AFAP1L2: variants seen among roughly 807,000 people sequenced by gnomAD.
AFAP1L2 encodes the protein actin filament associated protein 1 like 2, also known as actin filament-associated protein 1-like 2.
Under a neutral mutation model 99.3 loss-of-function variants are expected in AFAP1L2, and 46 were observed. The observed-to-expected ratio is 0.46, with a 90% confidence interval of 0.37 to 0.59. The LOEUF is 0.59. Ranked by LOEUF, AFAP1L2 falls within the 20% of genes least tolerant of loss-of-function variation. The probability of loss-of-function intolerance (pLI) is 0.00; values close to 1 mark genes in which losing one functional copy is unlikely to be tolerated. For missense variants in AFAP1L2, 959 were observed against 1,034.9 expected (o/e 0.93, Z 1.01); for synonymous variants, 397 against 419.1 (o/e 0.95, Z 0.64).
chr10:114,312,624 C>T (rs538792486), intron 7 of AFAP1L2, among the ~76,000 whole-genome samples: 27 of 152,340 alleles, frequency 1.8e-4, no homozygotes, highest in Admixed American at 1.5e-3. Flanking sequence ...CCCCAAATCA[C>T]TCAGCTAAAC....
rs1278829009 is a variant in AFAP1L2 at position 114,304,786 on chromosome 10, T to G, written c.1217A>C (p.Asp406Ala). Residue 406 changes from aspartate to alanine, a missense_variant, in exon 11 of 19, where the codon GAC (aspartate) becomes GCC (alanine). Physicochemically the swap from Asp to Ala is moderately radical, Grantham distance 126. Transcript: ENST00000304129. ...GGAGTAGAGGTGGTCGGGGCTGGGG[T>G]CTGGGACCACCTCGCAGCCCACCAG... is the stretch of plus-strand genomic sequence containing the variant. ...LSLVGCEVVP[D>A]PSPDHLYSFR... 1 of 1,612,530 alleles carries G rather than the reference T, an allele frequency of 6.2e-7. No individual in the cohort carries two copies. Among genetic ancestry groups the G allele is most frequent in the Non-Finnish European group, 8.5e-7 (1 of 1,179,854 alleles).
At chr10:114,339,251 G>A (rs918873744) in intron 2 of AFAP1L2, among the ~76,000 whole-genome samples, 2 of 152,094 alleles carry the variant, frequency 1.3e-5, no homozygotes, top group Admixed American at 1.3e-4. Context: ...GAGGTCAGGA[G>A]ATCAAGACCA....
intron 1 of AFAP1L2, among the ~76,000 whole-genome samples, chr10:114,401,320 C>T (rs80205717): frequency 1.9e-3 from 296 of 152,314 alleles, no homozygotes; most frequent in Admixed American, 4.7e-3. Flanking sequence ...TTGGCCCAGA[C>T]CCACTCACCA....
chr10:114,353,648 TG>T (rs2050878388), intron 1 of AFAP1L2, among the ~76,000 whole-genome samples: 1 of 152,144 alleles, frequency 6.6e-6, no homozygotes, highest in South Asian at 2.1e-4. Flanking sequence ...GACCTTACAT[TG>T]GTAAAGATTT....
At chr10:114,404,269 C>A (rs926750117) in intron 1 of AFAP1L2, among the ~76,000 whole-genome samples, 171 bp downstream of exon 1, 1 of 152,204 alleles carries the variant, frequency 6.6e-6, no homozygotes, top group African/African-American at 2.4e-5. Flanking sequence ...GGAGCCCACC[C>A]GCCCAGTCCG....
In AFAP1L2 at chr10:114,366,964, T is replaced by A. The variant is rs562479575; in HGVS notation, c.17-26233A>T. 3.9e-5 allele frequency among the ~76,000 whole-genome samples: 6 copies of A among 152,168 alleles called. No individual in the cohort carries two copies. In the East Asian group the frequency reaches 5.8e-4, roughly 15 times the overall value. On this transcript the variant is annotated intron_variant, in intron 1 of 18. Coordinates refer to ENST00000304129, the MANE Select transcript of AFAP1L2 (RefSeq NM_001001936.3). ...CCTGGGTGACAGAGTGAGACTCCTG[T>A]CTCAAAAAAACAACAACAAAAAAGA...
Position 114,308,049 on chromosome 10 carries a change from T to TAC in AFAP1L2, c.968-142_968-141dup, listed in dbSNP as rs1320981728. 34 of 699,794 alleles carry TAC rather than the reference T, an allele frequency of 4.9e-5. No individual in the cohort carries two copies. The East Asian group carries it at 6.5e-4, about 13-fold the overall frequency. The allele number at this position is 699,794 out of a possible 1,614,324, so 43.3% of individuals were successfully genotyped here. A position where few individuals can be genotyped will look rare whatever the true frequency, so the allele number is the denominator to read the frequency against. On this transcript the variant is annotated intron_variant, in intron 9 of 18. Coordinates refer to ENST00000304129, the MANE Select transcript of AFAP1L2 (RefSeq NM_001001936.3). Reference sequence around the variant, plus strand: ...ACATATGCGCGCACATATGCACGCATACACACACACACATCTCCTCAAACC... The same window carrying TAC: ...ACATATGCGCGCACATATGCACGCATACACACACACACACATCTCCTCAAACC...
At chr10:114,400,221 C>T (rs1351676692) in intron 1 of AFAP1L2, among the ~76,000 whole-genome samples, 1 of 152,224 alleles carries the variant, frequency 6.6e-6, no homozygotes, top group Non-Finnish European at 1.5e-5. Context: ...AGCTTTGAAG[C>T]TCCTTGGCCT....
chr10:114,304,875 C>A lies in AFAP1L2; in HGVS notation c.1128G>T (p.Arg376Ser). The A allele has an allele frequency of 6.2e-7, 1 of 1,613,458 alleles. No individual in the cohort carries two copies. Among genetic ancestry groups the A allele is most frequent in the South Asian group, 1.1e-5 (1 of 91,082 alleles). The change falls in exon 11 of 19, where the codon AGG (arginine) becomes AGT (serine). Residue 376 changes from arginine to serine, a missense_variant. Arg to Ser is a moderately radical substitution (Grantham distance 110). Around this residue, in one of 2 missense-constraint regions of AFAP1L2, gnomAD observed 576 missense variants for 562.1 expected, o/e 1.02. Transcript: ENST00000304129. The part of the protein sequence containing the change: ...SQWKSRWCSV[R>S]DNHLHFYQDR... ...CCTGGTAGAAGTGCAGGTGATTGTCCCTGACAGAGCACCAGCGAGACTTCC... is the reference window on the plus strand; with the variant it reads ...CCTGGTAGAAGTGCAGGTGATTGTCACTGACAGAGCACCAGCGAGACTTCC...
rs562180256 is a variant in AFAP1L2 at position 114,297,470 on chromosome 10, C to T, written c.2114-57G>A. 1.2e-4 allele frequency: 185 copies of T among 1,564,132 alleles called. No individual in the cohort carries two copies. In the Admixed American group the frequency reaches 2.9e-3, roughly 25 times the overall value. On this transcript the variant is annotated intron_variant, in intron 16 of 18. Transcript: ENST00000304129. The stretch of plus-strand genomic sequence containing the variant: ...CAGCATCTCAGCCCAGGCCAGGGAG[C>T]CCTGCTGGGTGGAGGCAGGGTCTAC...
intron 4 of AFAP1L2, among the ~76,000 whole-genome samples, chr10:114,325,263 T>C (rs2046078951): frequency 6.6e-6 from 1 of 152,234 alleles, no homozygotes; most frequent in African/African-American, 2.4e-5. Context: ...CCATATTAAA[T>C]ACAAGGAGGC....
intron 12 of AFAP1L2, 106 bp downstream of exon 12, chr10:114,302,233 G>C (rs747688267): frequency 3.3e-4 from 483 of 1,471,984 alleles, no homozygotes; most frequent in Middle Eastern, 1.3e-3. Context: ...TGGGCAGAGT[G>C]GGGTGGGACC....
At chr10:114,404,260 G>A (rs958031158) in intron 1 of AFAP1L2, among the ~76,000 whole-genome samples, 180 bp downstream of exon 1, 2 of 152,166 alleles carry the variant, frequency 1.3e-5, no homozygotes, top group African/African-American at 4.8e-5. Flanking sequence ...AGCCACCTAG[G>A]AGCCCACCCG....
At chr10:114,398,421 C>A (rs1451340639) in intron 1 of AFAP1L2, among the ~76,000 whole-genome samples, 2 of 152,264 alleles carry the variant, frequency 1.3e-5, no homozygotes, top group African/African-American at 4.8e-5. Flanking sequence ...CATTGAAAAG[C>A]ACACAGTGGG....
intron 1 of AFAP1L2, among the ~76,000 whole-genome samples, chr10:114,378,212 A>C (rs773166539): frequency 6.6e-6 from 1 of 152,224 alleles, no homozygotes; most frequent in Non-Finnish European, 1.5e-5. Flanking sequence ...AATGCTAAGC[A>C]TGTTTCTAAA....
In AFAP1L2 at chr10:114,364,731, ATTAATAAACCCCC is replaced by A; in HGVS notation, c.17-24013_17-24001del. Among the ~76,000 whole-genome samples, 2 of 152,252 alleles carry A rather than the reference ATTAATAAACCCCC, an allele frequency of 1.3e-5. 1 individual carries two copies. Among genetic ancestry groups the A allele is most frequent in the South Asian group, 4.2e-4 (2 of 4,810 alleles). On this transcript the variant is annotated intron_variant, in intron 1 of 18. Coordinates refer to ENST00000304129, the MANE Select transcript of AFAP1L2 (RefSeq NM_001001936.3). Reference sequence around the variant, plus strand: ...CACAACAGGACACAGGGAAGCCCAAATTAATAAACCCCCTTCTTTGAGCCCTCTCACCTGTGGC... The same window carrying A: ...CACAACAGGACACAGGGAAGCCCAAATTCTTTGAGCCCTCTCACCTGTGGC...
At chr10:114,341,166 C>T (rs1242141344) in intron 1 of AFAP1L2, among the ~76,000 whole-genome samples, 7 of 152,220 alleles carry the variant, frequency 4.6e-5, no homozygotes, top group Non-Finnish European at 5.9e-5. Context: ...TGATCCTCTC[C>T]GGGTGGCTTT....
intron 1 of AFAP1L2, among the ~76,000 whole-genome samples, chr10:114,385,585 G>T (rs1057096157): frequency 1.3e-5 from 2 of 152,166 alleles, no homozygotes; most frequent in Middle Eastern, 3.2e-3. Flanking sequence ...TCAGTGTCCA[G>T]CCTCAATGTC....
intron 11 of AFAP1L2, among the ~76,000 whole-genome samples, chr10:114,303,598 T>C (rs776999961): frequency 6.6e-6 from 1 of 152,238 alleles, no homozygotes; most frequent in Non-Finnish European, 1.5e-5. Context: ...TGGGCCATCA[T>C]GCCCGGCCCC....
Sources: allele counts gnomAD v4.1 joint callset (sites outside exome capture counted in the v4.1 genomes callset), GRCh38; gene constraint gnomAD v4.1.1; regional missense constraint gnomAD v4.1.1; transcripts MANE v1.5; gene names NCBI Gene and HGNC (gene_info 2026-07-23, HGNC 2026-07-21).